The following MPHOSPH9 variants were observed in gnomAD, a reference collection of about 807,000 sequenced individuals.
MPHOSPH9 encodes M-phase phosphoprotein 9.
Under a neutral mutation model 145.5 loss-of-function variants are expected in MPHOSPH9, and 88 were observed. That is an observed-to-expected ratio of 0.60 (90% CI 0.51 to 0.72). The LOEUF is 0.72. Among genes scored for constraint, MPHOSPH9 ranks in the 30% least tolerant of loss-of-function variants. The probability of loss-of-function intolerance (pLI) is 0.00; values close to 1 mark genes in which losing one functional copy is unlikely to be tolerated. For synonymous variants in MPHOSPH9, 435 were observed against 486.2 expected (o/e 0.89, Z 1.39); for missense variants, 1,238 against 1,386.6 (o/e 0.89, Z 1.70).
chr12:123,156,960 T>C (rs941645735), intron 23 of MPHOSPH9, 52 bp from the exon 24 acceptor site: 1 of 1,376,976 alleles, frequency 7.3e-7, no homozygotes, highest in Middle Eastern at 2.0e-4. Flanking sequence ...CCAAGTTCTA[T>C]AATCACCACC....
At chr12:123,236,816 C>T (rs1164051676), upstream of MPHOSPH9, among the ~76,000 whole-genome samples, 3 of 151,940 alleles carry the variant, frequency 2.0e-5, no homozygotes, top group African/African-American at 4.8e-5. Flanking sequence ...GGGCCGGGCG[C>T]GGTGGCTCAC....
chr12:123,206,175 AT>A (rs2046420415), intron 8 of MPHOSPH9, among the ~76,000 whole-genome samples: 1 of 152,112 alleles, frequency 6.6e-6, no homozygotes, highest in African/African-American at 2.4e-5. Context: ...ATGGCCAGGC[AT>A]AGTGGTTCAC....
rs2137820859 is a variant in MPHOSPH9, at chr12:123,156,124, GA to G, written c.*682del. On this transcript the variant is annotated 3_prime_UTR_variant, in exon 24 of 24. Transcript: ENST00000606320. ...AGAGAGCTACTCTGAGAGCCCTCCA[GA>G]GAGGGCTCTCCAATTGTTTAACTTT... The G allele has an allele frequency of 6.6e-6, 1 of 152,300 alleles. No individual in the cohort carries two copies. The highest frequency in any genetic ancestry group is 2.4e-5 in the African/African-American group (1 of 41,546). The allele number at this position is 152,300 out of a possible 1,614,324, so 9.4% of individuals were successfully genotyped here.
rs1317014251 is a variant in MPHOSPH9, at chr12:123,212,605, G to A, written c.1087+2139C>T. 1.3e-4 allele frequency among the ~76,000 whole-genome samples: 20 copies of A among 150,262 alleles called. No homozygotes were observed. In the Admixed American group the frequency reaches 1.3e-3, roughly 10 times the overall value. On this transcript the variant is annotated intron_variant, in intron 7 of 23. Coordinates refer to ENST00000606320, the MANE Select transcript of MPHOSPH9 (RefSeq NM_022782.4). ...GCCTGTAATCCCAGTTTGGGAAGCTGAAGGCTGAGGCAGAAAAATCACTTG... is the reference window on the plus strand; with the variant it reads ...GCCTGTAATCCCAGTTTGGGAAGCTAAAGGCTGAGGCAGAAAAATCACTTG...
intron 16 of MPHOSPH9, among the ~76,000 whole-genome samples, chr12:123,174,375 A>ATT (rs55827423): frequency 0.64 from 91,351 of 142,690 alleles, 33,400 homozygotes; most frequent in East Asian, 0.99. Context: ...GACGACTCCA[A>ATT]TTTTTTTTTT....
At chr12:123,235,280 G>A (rs946183965), upstream of MPHOSPH9, among the ~76,000 whole-genome samples, 2 of 152,190 alleles carry the variant, frequency 1.3e-5, no homozygotes, top group South Asian at 4.1e-4. Context: ...GTGGCATTGA[G>A]ACATTGAACG....
chr12:123,224,257 C>T (rs921997063), intron 3 of MPHOSPH9, among the ~76,000 whole-genome samples: 2 of 151,508 alleles, frequency 1.3e-5, no homozygotes, highest in Non-Finnish European at 2.9e-5. Context: ...GCCTCAGCCC[C>T]CAAGTAGCTG....
intron 13 of MPHOSPH9, among the ~76,000 whole-genome samples, chr12:123,193,904 G>A (rs1455071582): frequency 6.6e-6 from 1 of 151,050 alleles, no homozygotes; most frequent in East Asian, 1.9e-4. Context: ...ATCTGACTTC[G>A]TGCTGCAAAG....
intron 12 of MPHOSPH9, among the ~76,000 whole-genome samples, chr12:123,197,031 G>GTTTTTTT (rs56061451): frequency 2.6e-4 from 19 of 73,006 alleles, no homozygotes; most frequent in African/African-American, 1.0e-3. Flanking sequence ...AGGGGTGTGG[G>GTTTTTTT]TTTTTTTTTT....
chr12:123,180,890 G>C (rs538312670), intron 14 of MPHOSPH9, among the ~76,000 whole-genome samples: 2 of 152,282 alleles, frequency 1.3e-5, no homozygotes, highest in East Asian at 3.9e-4. Flanking sequence ...ATTTGCATCT[G>C]TATGGTACCT....
intron 13 of MPHOSPH9, among the ~76,000 whole-genome samples, chr12:123,185,313 A>C (rs1003179646): frequency 3.3e-5 from 5 of 152,084 alleles, no homozygotes; most frequent in African/African-American, 4.8e-5. Context: ...AATCAGAAAA[A>C]GAGTTGTTAG....
At chr12:123,165,595 G>T in intron 17 of MPHOSPH9, 118 bp from the exon 18 acceptor site, 1 of 944,132 alleles carries the variant, frequency 1.1e-6, no homozygotes, top group Non-Finnish European at 1.6e-6. Flanking sequence ...GGTGTGTGGA[G>T]GTGGGGTCTT....
rs2047278647 is a variant in MPHOSPH9 at position 123,223,026 on chromosome 12, A to G, written c.348+12T>C. ...TATATAAAAAAAGGAATCAATGTAA[A>G]TGGTAACTTACTTGAATTTGGTTGT... is the stretch of plus-strand genomic sequence containing the variant. On this transcript the variant is annotated intron_variant, in intron 4 of 23. Coordinates refer to ENST00000606320, the MANE Select transcript of MPHOSPH9 (RefSeq NM_022782.4). 3 of 1,496,624 alleles carry G rather than the reference A, an allele frequency of 2.0e-6. No individual in the cohort carries two copies. The highest frequency in any genetic ancestry group is 2.7e-6 in the Non-Finnish European group (3 of 1,119,450). The allele number at this position is 1,496,624 out of a possible 1,614,324, so 92.7% of individuals were successfully genotyped here. A position where few individuals can be genotyped will look rare whatever the true frequency, so the allele number is the denominator to read the frequency against.
chr12:123,217,413 G>T (rs944016597), intron 6 of MPHOSPH9, among the ~76,000 whole-genome samples: 1 of 151,872 alleles, frequency 6.6e-6, no homozygotes, highest in African/African-American at 2.4e-5. Context: ...TGACCAGGAT[G>T]GTCTCGATCT....
At chr12:123,201,099 T>C (rs910085660) in intron 11 of MPHOSPH9, among the ~76,000 whole-genome samples, 3 of 152,174 alleles carry the variant, frequency 2.0e-5, no homozygotes, top group African/African-American at 7.2e-5. Flanking sequence ...TTCCCTACCA[T>C]TGTACCCCCA....
At chr12:123,172,306 A>G (rs1253804122) in intron 16 of MPHOSPH9, among the ~76,000 whole-genome samples, 1 of 151,832 alleles carries the variant, frequency 6.6e-6, no homozygotes, top group Non-Finnish European at 1.5e-5. Flanking sequence ...ATTTGTGGAC[A>G]CTAAAATTTG....
chr12:123,212,305 G>T (rs902127164), intron 7 of MPHOSPH9, among the ~76,000 whole-genome samples: 8 of 152,092 alleles, frequency 5.3e-5, no homozygotes, highest in Admixed American at 3.9e-4. Flanking sequence ...ACAGGGAAAA[G>T]AACATTTCAA....
intron 13 of MPHOSPH9, among the ~76,000 whole-genome samples, chr12:123,188,899 G>A (rs1409416919): frequency 2.0e-5 from 3 of 152,004 alleles, no homozygotes; most frequent in African/African-American, 7.2e-5. Context: ...AGCCAGGTGT[G>A]GTGGCGTATG....
intron 5 of MPHOSPH9, among the ~76,000 whole-genome samples, chr12:123,219,801 T>C (rs1056688582): frequency 1.3e-5 from 2 of 152,198 alleles, no homozygotes; most frequent in African/African-American, 2.4e-5. Flanking sequence ...TAAGGATTAC[T>C]TGTTTTACAA....
Sources: gnomAD v4.1 joint callset for allele counts (sites outside exome capture counted in the v4.1 genomes callset) on GRCh38, gnomAD v4.1.1 for gene constraint, MANE v1.5 for transcripts, NCBI Gene and HGNC (gene_info 2026-07-23, HGNC 2026-07-21) for gene names.